Variants in VPS39 observed in about 807,000 individuals in gnomAD.
The protein encoded by VPS39 is vam6/Vps39-like protein.
VPS39 carries 70 observed loss-of-function variants against 121.0 expected under a neutral mutation model. That is an observed-to-expected ratio of 0.58 (90% CI 0.48 to 0.71). The LOEUF is 0.71. Among genes scored for constraint, VPS39 ranks in the 30% least tolerant of loss-of-function variants. VPS39 has a pLI of 0.00. For synonymous variants in VPS39, 378 were observed against 398.1 expected (o/e 0.95, Z 0.60); for missense variants, 818 against 1,051.5 (o/e 0.78, Z 3.07).
In VPS39 at chr15:42,166,231, G is replaced by T. The variant is rs572099708; in HGVS notation, c.1608C>A (p.Gly536=). The change falls in exon 16 of 25, where the codon GGC becomes GGA. Residue 536 remains glycine, a splice_region_variant and synonymous_variant. Transcript: ENST00000318006. ...AGAAAATCAAATGCAGGTTTTCTGTGCCTAGAAGGAAAAGCAGGACTTGTC... is the reference window on the plus strand; with the variant it reads ...AGAAAATCAAATGCAGGTTTTCTGTTCCTAGAAGGAAAAGCAGGACTTGTC... ...ERTVQYLQHL[G]TENLHLIFSY... is the part of the protein sequence containing the mutation. 1 of 1,614,160 alleles carries T rather than the reference G, an allele frequency of 6.2e-7. No homozygotes were observed.
intron 10 of VPS39, among the ~76,000 whole-genome samples, chr15:42,175,111 A>G (rs1005620217): frequency 5.3e-5 from 8 of 152,142 alleles, no homozygotes; most frequent in African/African-American, 1.9e-4. Flanking sequence ...AGTGTACTCA[A>G]GGAATGAAAA....
intron 13 of VPS39, among the ~76,000 whole-genome samples, 167 bp from the exon 14 acceptor site, chr15:42,167,080 CT>C (rs1315603591): frequency 2.0e-5 from 3 of 152,226 alleles, no homozygotes; most frequent in South Asian, 2.1e-4. Flanking sequence ...ATTTATGGAC[CT>C]TCGCACAATG....
rs1267763197 is a variant in VPS39 at position 42,165,700 on chromosome 15, G to A, written c.1779+18C>T. 1.2e-6 allele frequency: 2 copies of A among 1,606,458 alleles called. No individual in the cohort carries two copies. Among genetic ancestry groups the A allele is most frequent in the South Asian group, 1.1e-5 (1 of 90,908 alleles). ...CCTGGGTTTAAAGCTTTTTAGTGCA[G>A]ACCAAAAAATACCTTACCAGATAAG... On this transcript the variant is annotated intron_variant, in intron 17 of 24. Transcript: ENST00000318006.
intron 17 of VPS39, 30 bp from the exon 18 acceptor site, chr15:42,165,143 G>A: frequency 1.2e-6 from 2 of 1,602,300 alleles, no homozygotes; most frequent in East Asian, 2.2e-5. Context: ...TTTGTCACTG[G>A]TATTCTCCAG....
chr15:42,166,012 G>T, intron 16 of VPS39, 147 bp downstream of exon 16: 1 of 952,110 alleles, frequency 1.1e-6, no homozygotes, highest in Non-Finnish European at 1.6e-6. Flanking sequence ...CAACTACAGT[G>T]CTGGCTCGCG....
At position 42,178,443 on chromosome 15, in the gene VPS39, T is replaced by C; in HGVS notation, c.839+7A>G. 6.2e-7 allele frequency: 1 copy of C among 1,614,096 alleles called. No individual in the cohort carries two copies. The highest frequency in any genetic ancestry group is 1.3e-5 in the African/African-American group (1 of 75,010). ...ATACAGCCATAGCAAAAAAAGAAAT[T>C]CCTTACCCTCCTGAGGTAATGAAAC... On this transcript the variant is annotated splice_region_variant and intron_variant, in intron 9 of 24. Coordinates refer to ENST00000318006, the MANE Select transcript of VPS39 (RefSeq NM_015289.5).
In VPS39 at chr15:42,160,510, A is replaced by T; in HGVS notation, c.*244T>A. 1 of 508,762 alleles carries T rather than the reference A, an allele frequency of 2.0e-6. No individual in the cohort carries two copies. The highest frequency in any genetic ancestry group is 3.6e-6 in the Non-Finnish European group (1 of 281,084). 31.5% of individuals were successfully genotyped at this position (508,762 alleles called of 1,614,324 possible). ...ATCCTCCTGACCAAGCAGGTACTGA[A>T]TTCTCTGGAATTGCCCACAACATAA... is the stretch of plus-strand genomic sequence containing the variant. On this transcript the variant is annotated 3_prime_UTR_variant, in exon 25 of 25. Transcript: ENST00000318006.
chr15:42,181,373 G>A lies in VPS39; in HGVS notation c.719-2803C>T, dbSNP rs533425151. ...GATGTCAAATTCATAGAAGCAGAAA[G>A]GAGAATGGTGGCTTCAGGGACTGGA... On this transcript the variant is annotated intron_variant, in intron 8 of 24. Coordinates refer to ENST00000318006, the MANE Select transcript of VPS39 (RefSeq NM_015289.5). Among the ~76,000 whole-genome samples, 3 of 152,228 alleles carry A rather than the reference G, an allele frequency of 2.0e-5. No homozygotes were observed. In the South Asian group the frequency reaches 6.2e-4, roughly 32 times the overall value.
At chr15:42,202,723 G>A (rs1038091272) in intron 1 of VPS39, among the ~76,000 whole-genome samples, 1 of 152,024 alleles carries the variant, frequency 6.6e-6, no homozygotes, top group African/African-American at 2.4e-5. Flanking sequence ...CTCCCAAGTC[G>A]GCCAGGGTCT....
At chr15:42,174,868 G>A (rs1023831956) in intron 10 of VPS39, among the ~76,000 whole-genome samples, 5 of 152,136 alleles carry the variant, frequency 3.3e-5, no homozygotes, top group Non-Finnish European at 7.3e-5. Flanking sequence ...CAGCTACTCA[G>A]GAGGCCAAGG....
At chr15:42,205,950 CT>C (rs1453471995) in intron 1 of VPS39, among the ~76,000 whole-genome samples, 1 of 152,152 alleles carries the variant, frequency 6.6e-6, no homozygotes, top group Non-Finnish European at 1.5e-5. Flanking sequence ...AAGCTTTTGG[CT>C]TTAGTCAAAG....
intron 7 of VPS39, among the ~76,000 whole-genome samples, chr15:42,185,898 A>C (rs1416470964): frequency 6.6e-6 from 1 of 152,240 alleles, no homozygotes; most frequent in Non-Finnish European, 1.5e-5. Flanking sequence ...ATTTCTGAAT[A>C]GCCTGGTCCT....
At chr15:42,177,163 A>T (rs1459691612) in intron 10 of VPS39, among the ~76,000 whole-genome samples, 9 of 103,838 alleles carry the variant, frequency 8.7e-5, no homozygotes, top group Non-Finnish European at 1.5e-4. Flanking sequence ...ACCCTGTTTT[A>T]AAAAAAAAAA....
chr15:42,175,168 C>T (rs957082751), intron 10 of VPS39, among the ~76,000 whole-genome samples: 4 of 152,250 alleles, frequency 2.6e-5, no homozygotes, highest in African/African-American at 9.6e-5. Context: ...AATCCCAGAA[C>T]TTTGGGAGGC....
intron 24 of VPS39, chr15:42,161,277 T>G (rs2049120842): frequency 2.9e-6 from 1 of 345,328 alleles, no homozygotes; most frequent in South Asian, 2.8e-5. Context: ...CTAGAGTATA[T>G]GTCTTAACAC....
chr15:42,199,877 A>G lies in VPS39; in HGVS notation c.139+19T>C. 1 of 1,560,316 alleles carries G rather than the reference A, an allele frequency of 6.4e-7. No homozygotes were observed. Among genetic ancestry groups the G allele is most frequent in the South Asian group, 1.2e-5 (1 of 81,310 alleles). The stretch of plus-strand genomic sequence containing the variant: ...TGACTATTAAAACTTATTTTTTTGC[A>G]TGAGCAATGTGCACTTACCAACGTC... On this transcript the variant is annotated intron_variant, in intron 2 of 24. Coordinates refer to ENST00000318006, the MANE Select transcript of VPS39 (RefSeq NM_015289.5).
chr15:42,183,662 T>A (rs557089189), intron 8 of VPS39, among the ~76,000 whole-genome samples: 1 of 152,226 alleles, frequency 6.6e-6, no homozygotes, highest in African/African-American at 2.4e-5. Flanking sequence ...ACCTAGTCCA[T>A]AGTTCAGTCT....
chr15:42,199,242 A>C (rs2050012378), intron 2 of VPS39, among the ~76,000 whole-genome samples: 1 of 152,198 alleles, frequency 6.6e-6, no homozygotes, highest in Admixed American at 6.5e-5. Context: ...CCAATAAAAA[A>C]CACTCTTTAA....
At chr15:42,170,500 TC>T (rs1482541878) in intron 11 of VPS39, among the ~76,000 whole-genome samples, 1 of 152,022 alleles carries the variant, frequency 6.6e-6, no homozygotes, top group African/African-American at 2.4e-5. Flanking sequence ...AGACCCTGTC[TC>T]AAAAAAATTT....
Sources: allele counts gnomAD v4.1 joint callset (sites outside exome capture counted in the v4.1 genomes callset), GRCh38; gene constraint gnomAD v4.1.1; transcripts MANE v1.5; gene names NCBI Gene and HGNC (gene_info 2026-07-23, HGNC 2026-07-21).